LAMP1: variants seen among roughly 807,000 people sequenced by gnomAD.
LAMP1 encodes lysosome-associated membrane glycoprotein 1.
A neutral mutation model predicts 37.5 loss-of-function variants in LAMP1; 7 were observed. The observed-to-expected ratio is 0.19, with a 90% CI of 0.11 to 0.35. The LOEUF (loss-of-function observed/expected upper bound fraction) is 0.35, where lower values mean the gene tolerates loss of function less well. LAMP1 is among the 10% of genes least tolerant of loss of function. The pLI is 1.00. For missense variants in LAMP1, 537 were observed against 552.8 expected (o/e 0.97, Z 0.29); for synonymous variants, 236 against 229.1 (o/e 1.03, Z -0.27).
intron 1 of LAMP1, among the ~76,000 whole-genome samples, chr13:113,303,765 T>C (rs2042585330): frequency 6.6e-6 from 1 of 152,154 alleles, no homozygotes; most frequent in Non-Finnish European, 1.5e-5. Flanking sequence ...AAATGATATT[T>C]CTTTGTTTTC....
chr13:113,307,662 CTG>C (rs1244482736), intron 2 of LAMP1, among the ~76,000 whole-genome samples: 4 of 152,006 alleles, frequency 2.6e-5, no homozygotes, highest in Admixed American at 1.3e-4. Context: ...AATGCAAACA[CTG>C]TACTAGTTTG....
At chr13:113,301,024 G>A (rs887323390) in intron 1 of LAMP1, among the ~76,000 whole-genome samples, 4 of 152,120 alleles carry the variant, frequency 2.6e-5, no homozygotes, top group Non-Finnish European at 5.9e-5. Context: ...TATTGCATGT[G>A]CTTCTACATG....
rs1302930159 is a variant in LAMP1 at position 113,322,829 on chromosome 13, G to A, written c.*408G>A. 7.3e-6 allele frequency: 1 copy of A among 136,120 alleles called. No homozygotes were observed. The highest frequency in any genetic ancestry group is 2.8e-5 in the African/African-American group (1 of 35,728). 8.4% of individuals were successfully genotyped at this position (136,120 alleles called of 1,614,324 possible). On this transcript the variant is annotated 3_prime_UTR_variant, in exon 9 of 9. Coordinates refer to ENST00000332556, the MANE Select transcript of LAMP1 (RefSeq NM_005561.4). ...GTGCCGCTCTCTCTGAGGGGGTGGG[G>A]GTGCTGCTCTCTCCGAGGGGTGGAA...
Position 113,322,501 on chromosome 13 carries a change from A to G in LAMP1, c.*80A>G, listed in dbSNP as rs2042708249. On this transcript the variant is annotated 3_prime_UTR_variant, in exon 9 of 9. Coordinates refer to ENST00000332556, the MANE Select transcript of LAMP1 (RefSeq NM_005561.4). ...TAGGGTCCTGTCGAAGGGGAGGCAC[A>G]CTTTCTGGCAAACGTTTCTCAAATC... 2 of 1,370,132 alleles carry G rather than the reference A, an allele frequency of 1.5e-6. No individual in the cohort carries two copies. Among genetic ancestry groups the G allele is most frequent in the Middle Eastern group, 2.1e-4 (1 of 4,756 alleles). 84.9% of individuals were successfully genotyped at this position (1,370,132 alleles called of 1,614,324 possible).
rs772997252 is a variant in LAMP1 at position 113,320,505 on chromosome 13, A to T, written c.876+35A>T. 9 of 1,596,238 alleles carry T rather than the reference A, an allele frequency of 5.6e-6. No homozygotes were observed. Among genetic ancestry groups the T allele is most frequent in the Non-Finnish European group, 7.7e-6 (9 of 1,175,354 alleles). ...GGGCGGCACCTCTCTGGGGGCGCCCACTGTGTCTCCACCACATCTTTTTGT... is the reference window on the plus strand; with the variant it reads ...GGGCGGCACCTCTCTGGGGGCGCCCTCTGTGTCTCCACCACATCTTTTTGT... On this transcript the variant is annotated intron_variant, in intron 6 of 8. Transcript: ENST00000332556. The surrounding 1 kb of genome is among the most constrained non-coding windows in gnomAD (Gnocchi z 4.4).
At chr13:113,301,858 C>CTTTTTTT (rs539321614) in intron 1 of LAMP1, among the ~76,000 whole-genome samples, 13 of 74,332 alleles carry the variant, frequency 1.7e-4, no homozygotes, top group African/African-American at 6.7e-4. Context: ...GATGTGATTT[C>CTTTTTTT]TTTTTTTTTT....
At chr13:113,317,882 G>T (rs1391520578) in intron 4 of LAMP1, among the ~76,000 whole-genome samples, 5 of 152,122 alleles carry the variant, frequency 3.3e-5, no homozygotes, top group African/African-American at 4.8e-5. Context: ...GGAGATGGGG[G>T]TCTCCCTATG....
Position 113,297,543 on chromosome 13 carries a change from C to T in LAMP1, c.61+48C>T, listed in dbSNP as rs2042549217. 1.6e-6 allele frequency: 2 copies of T among 1,223,166 alleles called. No individual in the cohort carries two copies. Among genetic ancestry groups the T allele is most frequent in the Non-Finnish European group, 2.0e-6 (2 of 980,614 alleles). The allele number at this position is 1,223,166 out of a possible 1,614,324, so 75.8% of individuals were successfully genotyped here. On this transcript the variant is annotated intron_variant, in intron 1 of 8. Transcript: ENST00000332556. This position sits in a 1 kb window ranked among gnomAD's most constrained non-coding sequence, Gnocchi z 4.4. ...TGGGAGCGGCGGGACCGGGCGGAGCCGAGGTCCCTGGGTCTTGAGGGCGGG... is the reference window on the plus strand; with the variant it reads ...TGGGAGCGGCGGGACCGGGCGGAGCTGAGGTCCCTGGGTCTTGAGGGCGGG...
intron 4 of LAMP1, among the ~76,000 whole-genome samples, chr13:113,312,357 C>T (rs1424316042): frequency 6.6e-6 from 1 of 152,202 alleles, no homozygotes; most frequent in Non-Finnish European, 1.5e-5. Context: ...GGAACACAGC[C>T]ACACTCATTT....
At position 113,321,466 on chromosome 13, in the gene LAMP1, C is replaced by G; in HGVS notation, c.939C>G (p.Ala313=). 1 of 1,614,096 alleles carries G rather than the reference C, an allele frequency of 6.2e-7. No homozygotes were observed. The highest frequency in any genetic ancestry group is 1.7e-5 in the Admixed American group (1 of 60,026). The change falls in exon 7 of 9, where the codon GCC becomes GCG. Residue 313 remains alanine (A), a synonymous_variant. Transcript: ENST00000332556. The surrounding 1 kb of genome is among the most constrained non-coding windows in gnomAD (Gnocchi z 5.6). ...GIQLNTILPD[A]RDPAFKAANG... Reference sequence around the variant, plus strand: ...AGTTGAATACAATTCTTCCTGACGCCAGAGGTGAGAACCCACAATCTCTGC... The same window carrying G: ...AGTTGAATACAATTCTTCCTGACGCGAGAGGTGAGAACCCACAATCTCTGC...
chr13:113,319,478 G>T lies in LAMP1; in HGVS notation c.572G>T (p.Cys191Phe). The T allele has an allele frequency of 6.2e-7, 1 of 1,609,780 alleles. No homozygotes were observed. ...NSSFSRGETR[C>F]EQDRPSPTTA... Reference sequence around the variant, plus strand: ...TCCACTGCACCTGCAGAGACACGCTGTGAACAAGACAGGCCTTCCCCAACC... The same window carrying T: ...TCCACTGCACCTGCAGAGACACGCTTTGAACAAGACAGGCCTTCCCCAACC... Residue 191 changes from cysteine to phenylalanine, a missense_variant, in exon 5 of 9, where the codon TGT becomes TTT. Physicochemically the swap from Cys to Phe is radical, Grantham distance 205. Transcript: ENST00000332556.
At chr13:113,299,788 C>T (rs1166884892) in intron 1 of LAMP1, among the ~76,000 whole-genome samples, 2 of 151,184 alleles carry the variant, frequency 1.3e-5, no homozygotes, top group Non-Finnish European at 2.9e-5. Context: ...AGGCTGGTCT[C>T]GAACTGACCT....
Position 113,322,322 on chromosome 13 carries a change from C to T in LAMP1, c.1155C>T (p.Pro385=). 6.2e-7 allele frequency: 1 copy of T among 1,613,872 alleles called. No homozygotes were observed. The part of the protein sequence containing the change: ...CLLDENSMLI[P]IAVGGALAGL... ...TGGACGAGAACAGCATGCTGATCCC[C>T]ATCGCTGTGGGTGGTGCCCTGGCGG... is the stretch of plus-strand genomic sequence containing the variant. Residue 385 remains proline, a synonymous_variant, in exon 9 of 9, where the codon CCC becomes CCT. Transcript: ENST00000332556.
chr13:113,307,850 TTGGGAGGCTG>T (rs2042608249), intron 2 of LAMP1, among the ~76,000 whole-genome samples: 1 of 149,330 alleles, frequency 6.7e-6, no homozygotes, highest in Admixed American at 6.7e-5. Context: ...TCCCAGCTAC[TTGGGAGGCTG>T]AGGTGGGAGG....
In LAMP1 at chr13:113,320,398, C is replaced by T. The variant is rs1420057165; in HGVS notation, c.804C>T (p.Ser268=). 1.2e-6 allele frequency: 2 copies of T among 1,613,306 alleles called. No homozygotes were observed. Among genetic ancestry groups the T allele is most frequent in the Admixed American group, 3.3e-5 (2 of 60,018 alleles). The change falls in exon 6 of 9, where the codon AGC becomes AGT. Residue 268 remains serine, a synonymous_variant. Transcript: ENST00000332556. The surrounding 1 kb of genome is among the most constrained non-coding windows in gnomAD (Gnocchi z 4.4). ...INPNKTSASG[S]CGAHLVTLEL... ...CCAACAAGACCTCGGCCAGCGGGAG[C>T]TGCGGCGCCCACCTGGTGACTCTGG... is the stretch of plus-strand genomic sequence containing the variant.
At chr13:113,313,228 G>A (rs558047793) in intron 4 of LAMP1, among the ~76,000 whole-genome samples, 2 of 152,284 alleles carry the variant, frequency 1.3e-5, no homozygotes, top group African/African-American at 4.8e-5. Context: ...TGAGACGGGT[G>A]GCAGGATTCT....
Position 113,321,754 on chromosome 13 carries a change from CG to C in LAMP1, c.1114+31del. ...TGAGTGTCACCGAGGGCAGCTGTCG[CG>C]GGGTGTGGAGGACGTGCTTCAGACT... On this transcript the variant is annotated intron_variant, in intron 8 of 8. Transcript: ENST00000332556. The surrounding 1 kb of genome is among the most constrained non-coding windows in gnomAD (Gnocchi z 5.6). The C allele has an allele frequency of 1.2e-6, 2 of 1,610,448 alleles. No homozygotes were observed.
intron 2 of LAMP1, among the ~76,000 whole-genome samples, chr13:113,306,994 C>T (rs1353451449): frequency 6.6e-6 from 1 of 151,628 alleles, no homozygotes; most frequent in African/African-American, 2.4e-5. Context: ...CGCTCGCCAC[C>T]ACGCACAGCT....
At chr13:113,303,480 T>G (rs765935347) in intron 1 of LAMP1, among the ~76,000 whole-genome samples, 22 of 151,980 alleles carry the variant, frequency 1.4e-4, no homozygotes, top group Non-Finnish European at 3.2e-4. Context: ...GTGACACCTG[T>G]CAGGTTACTG....
Sources: allele counts gnomAD v4.1 joint callset (sites outside exome capture counted in the v4.1 genomes callset), GRCh38; gene constraint gnomAD v4.1.1; non-coding constraint Gnocchi (gnomAD v3.1); transcripts MANE v1.5; gene names NCBI Gene and HGNC (gene_info 2026-07-23, HGNC 2026-07-21).